Variants in EPB41L1 observed in about 807,000 individuals in gnomAD.
The protein encoded by EPB41L1 is erythrocyte membrane protein band 4.1 like 1.
EPB41L1 carries 29 observed loss-of-function variants against 97.8 expected under a neutral mutation model. The ratio of observed to expected loss-of-function variants is 0.30; its 90% confidence interval spans 0.22 to 0.40. The LOEUF is 0.40. EPB41L1 is among the 10% of genes least tolerant of loss of function. The pLI, the probability that EPB41L1 is intolerant of heterozygous loss-of-function variation, is 1.00. For synonymous variants in EPB41L1, 383 were observed against 459.2 expected, an observed-to-expected ratio of 0.83 and a Z score of 2.12; for missense variants, 812 against 1,162.3, an observed-to-expected ratio of 0.70 and a Z score of 4.38.
Position 36,212,161 on chromosome 20 carries a change from G to C in EPB41L1, c.2080-111G>C. 1.0e-6 allele frequency: 1 copy of C among 998,620 alleles called. No individual in the cohort carries two copies. Among genetic ancestry groups the C allele is most frequent in the Non-Finnish European group, 1.6e-6 (1 of 633,524 alleles). 61.9% of individuals were successfully genotyped at this position (998,620 alleles called of 1,614,324 possible). A position where few individuals can be genotyped will look rare whatever the true frequency, so the allele number is the denominator to read the frequency against. ...GTCCAGAGTACCCTTCCAGAGATGT[G>C]GCCAGCTGTGGGGATAGGAGATAGC... On this transcript the variant is annotated intron_variant, in intron 15 of 21. Transcript: ENST00000338074. This position sits in a 1 kb window ranked among gnomAD's most constrained non-coding sequence, Gnocchi z 4.8.
At chr20:36,194,391 C>T in intron 12 of EPB41L1, 31 bp downstream of exon 12, 1 of 1,578,198 alleles carries the variant, frequency 6.3e-7, no homozygotes, top group South Asian at 1.2e-5. Context: ...TACTCTCTGC[C>T]CTGGGGATCA....
At chr20:36,188,086 TG>T (rs930741597) in intron 8 of EPB41L1, among the ~76,000 whole-genome samples, 43 of 152,264 alleles carry the variant, frequency 2.8e-4, no homozygotes, top group African/African-American at 9.9e-4. Flanking sequence ...ACTAAATATT[TG>T]CTGGATGAAT....
intron 1 of EPB41L1, among the ~76,000 whole-genome samples, chr20:36,162,171 A>C (rs1335407081): frequency 6.6e-6 from 1 of 152,240 alleles, no homozygotes. Flanking sequence ...TCAGGATTCC[A>C]GCTCTGGCTC....
chr20:36,226,656 G>A (rs763017718), intron 21 of EPB41L1, among the ~76,000 whole-genome samples: 1 of 152,146 alleles, frequency 6.6e-6, no homozygotes, highest in Non-Finnish European at 1.5e-5. Context: ...ACCACATCGC[G>A]AGTGCTTAAT....
intron 1 of EPB41L1, among the ~76,000 whole-genome samples, chr20:36,094,710 C>T (rs907551049): frequency 1.3e-5 from 2 of 152,176 alleles, no homozygotes; most frequent in Non-Finnish European, 2.9e-5. Context: ...CCAAAAGCAG[C>T]AGAGGCTGGG....
At chr20:36,169,120 G>A (rs1011191258) in intron 1 of EPB41L1, among the ~76,000 whole-genome samples, 3 of 151,756 alleles carry the variant, frequency 2.0e-5, no homozygotes, top group African/African-American at 7.3e-5. Flanking sequence ...CAGTTACTCG[G>A]GAGGCTGAGG....
intron 1 of EPB41L1, among the ~76,000 whole-genome samples, chr20:36,171,413 A>G (rs535035173): frequency 1.3e-5 from 2 of 152,256 alleles, no homozygotes; most frequent in Admixed American, 1.3e-4. Context: ...CATAAAGCAG[A>G]GAGTAGTGGC....
rs2590974 is a variant in EPB41L1, at chr20:36,173,996, C to T, written c.177+42C>T. 15,303 of 1,580,898 alleles carry T rather than the reference C, an allele frequency of 9.7e-3. 1,286 individuals carry two copies. In the African/African-American group the frequency reaches 0.18, roughly 19 times the overall value. ...ATGGGCGTACCTTTCCTGCCCAGAC[C>T]GTCCTCCAGGTCCAGTTCTTAGGGC... is the stretch of plus-strand genomic sequence containing the variant. On this transcript the variant is annotated intron_variant, in intron 2 of 21. Transcript: ENST00000338074.
intron 2 of EPB41L1, chr20:36,125,303 G>T (rs1473223757): frequency 1.6e-6 from 1 of 638,548 alleles, no homozygotes; most frequent in Non-Finnish European, 2.8e-6. Flanking sequence ...GGGAGTGGAG[G>T]ATAGGGGTGA....
At chr20:36,128,970 G>C (rs2059081951) in intron 2 of EPB41L1, among the ~76,000 whole-genome samples, 1 of 152,128 alleles carries the variant, frequency 6.6e-6, no homozygotes, top group Admixed American at 6.5e-5. Context: ...GGTGGAGAGA[G>C]GGAGGAAGGG....
Position 36,206,592 on chromosome 20 carries a change from A to G in EPB41L1, c.1669-2896A>G, listed in dbSNP as rs2062829290. 7.8e-7 allele frequency: 1 copy of G among 1,289,694 alleles called. No homozygotes were observed. The highest frequency in any genetic ancestry group is 1.5e-5 in the African/African-American group (1 of 65,860). The allele number at this position is 1,289,694 out of a possible 1,614,324, so 79.9% of individuals were successfully genotyped here. ...AGCCCAGGCCGACGCTGAATTCCTT[A>G]GACCTGAGGGTTTCTGCTGCTGCTT... is the stretch of plus-strand genomic sequence containing the variant. On this transcript the variant is annotated intron_variant, in intron 14 of 21. Transcript: ENST00000338074. The surrounding 1 kb of genome is among the most constrained non-coding windows in gnomAD (Gnocchi z 5.5).
chr20:36,213,926 A>G (rs898174660), intron 16 of EPB41L1, among the ~76,000 whole-genome samples: 7 of 152,064 alleles, frequency 4.6e-5, no homozygotes, highest in Non-Finnish European at 7.4e-5. Flanking sequence ...CTTACTCTTG[A>G]TCATCTCAGT....
At chr20:36,137,588 G>A (rs777803274) in intron 2 of EPB41L1, among the ~76,000 whole-genome samples, 3 of 151,876 alleles carry the variant, frequency 2.0e-5, no homozygotes, top group South Asian at 2.1e-4. Context: ...GCAATGGCGC[G>A]ATCTTGGCTC....
At chr20:36,108,106 G>A (rs1262221053) in intron 1 of EPB41L1, among the ~76,000 whole-genome samples, 1 of 151,736 alleles carries the variant, frequency 6.6e-6, no homozygotes, top group Non-Finnish European at 1.5e-5. Context: ...ACCTCAGCTA[G>A]TAGCTGGGAC....
At chr20:36,175,146 C>G (rs1473770489) in intron 2 of EPB41L1, among the ~76,000 whole-genome samples, 1 of 152,144 alleles carries the variant, frequency 6.6e-6, no homozygotes, top group Non-Finnish European at 1.5e-5. Context: ...TCCTTTAACT[C>G]AGTCCACAGC....
Position 36,202,640 on chromosome 20 carries a change from AAATAAT to A in EPB41L1, c.1668+4620_1668+4625del, listed in dbSNP as rs536919167. On this transcript the variant is annotated intron_variant, in intron 14 of 21. Transcript: ENST00000338074. ...GAAACCCTGTCTCTACTAAAAATAC[AAATAAT>A]AATAATAATAATAATAATAAGCTGG... Among the ~76,000 whole-genome samples the A allele has an allele frequency of 8.0e-5, 12 of 149,922 alleles. 1 individual carries two copies. The South Asian group carries it at 1.1e-3, about 13-fold the overall frequency.
chr20:36,198,171 G>C lies in EPB41L1; in HGVS notation c.1668+130G>C, dbSNP rs548394993. The C allele has an allele frequency of 2.4e-5, 21 of 866,402 alleles. No individual in the cohort carries two copies. In the East Asian group the frequency reaches 5.3e-4, roughly 22 times the overall value. The allele number at this position is 866,402 out of a possible 1,614,324, so 53.7% of individuals were successfully genotyped here. On this transcript the variant is annotated intron_variant, in intron 14 of 21. Coordinates refer to ENST00000338074, the MANE Select transcript of EPB41L1 (RefSeq NM_012156.2). Reference sequence around the variant, plus strand: ...TGCTGCTTAGGGGCTGGTGGGGATGGAGAGGGTGGTAGATTAGGCTGAGGG... The same window carrying C: ...TGCTGCTTAGGGGCTGGTGGGGATGCAGAGGGTGGTAGATTAGGCTGAGGG...
intron 14 of EPB41L1, among the ~76,000 whole-genome samples, chr20:36,203,003 C>A (rs1252054199): frequency 2.6e-5 from 4 of 152,142 alleles, no homozygotes; most frequent in Non-Finnish European, 4.4e-5. Context: ...TGCAGTGCCC[C>A]TACCTGACGG....
intron 2 of EPB41L1, among the ~76,000 whole-genome samples, chr20:36,120,288 T>G (rs940994368): frequency 2.6e-5 from 4 of 152,204 alleles, no homozygotes; most frequent in African/African-American, 9.7e-5. Flanking sequence ...TGTCATAATT[T>G]GCCTAAGTAT....
Sources: gnomAD v4.1 joint callset for allele counts (sites outside exome capture counted in the v4.1 genomes callset) on GRCh38, gnomAD v4.1.1 for gene constraint, Gnocchi (gnomAD v3.1) non-coding constraint, MANE v1.5 for transcripts, NCBI Gene and HGNC (gene_info 2026-07-23, HGNC 2026-07-21) for gene names.